The following CACNA2D1 variants were observed in gnomAD, a reference collection of about 807,000 sequenced individuals.
CACNA2D1 encodes the protein calcium voltage-gated channel auxiliary subunit alpha2delta 1.
CACNA2D1 carries 53 observed loss-of-function variants against 171.5 expected under a neutral mutation model. The ratio of observed to expected loss-of-function variants is 0.31; its 90% CI spans 0.25 to 0.39. The LOEUF (loss-of-function observed/expected upper bound fraction) is 0.39. Ranked by LOEUF, CACNA2D1 falls within the 10% of genes least tolerant of loss-of-function variation. CACNA2D1 has a pLI of 1.00. For synonymous variants in CACNA2D1, 442 were observed against 443.1 expected (o/e 1.00, Z 0.03); for missense variants, 903 against 1,299.8 (o/e 0.69, Z 4.69).
chr7:82,207,287 T>C (rs911619892), intron 3 of CACNA2D1, among the ~76,000 whole-genome samples: 1 of 152,202 alleles, frequency 6.6e-6, no homozygotes, highest in Non-Finnish European at 1.5e-5. Context: ...GGTCCTACCA[T>C]AGTAGCTCTG....
intron 38 of CACNA2D1, among the ~76,000 whole-genome samples, chr7:81,956,898 T>A (rs939600040): frequency 6.6e-6 from 1 of 152,242 alleles, no homozygotes; most frequent in Admixed American, 6.5e-5. Context: ...TTTAGTAGTA[T>A]TGAATAGAGA....
intron 3 of CACNA2D1, among the ~76,000 whole-genome samples, chr7:82,326,510 A>T (rs772810190): frequency 6.6e-6 from 1 of 152,208 alleles, no homozygotes; most frequent in Non-Finnish European, 1.5e-5. Context: ...GCAGAACAGA[A>T]ATAGTGTTAG....
intron 24 of CACNA2D1, among the ~76,000 whole-genome samples, chr7:81,978,757 A>G (rs199816128): frequency 0.17 from 14,761 of 87,768 alleles, 822 homozygotes; most frequent in Middle Eastern, 0.28. Flanking sequence ...AAAAGTGTAT[A>G]TATATATATA....
chr7:82,335,964 C>G (rs1465176195), intron 2 of CACNA2D1, among the ~76,000 whole-genome samples: 1 of 152,016 alleles, frequency 6.6e-6, no homozygotes, highest in Non-Finnish European at 1.5e-5. Context: ...ATAAGTTGCA[C>G]CTGTCTTACA....
In CACNA2D1 at chr7:81,963,663, T is replaced by C. The variant is rs1794399386; in HGVS notation, c.2780+393A>G. 2.0e-5 allele frequency among the ~76,000 whole-genome samples: 3 copies of C among 151,982 alleles called. No homozygotes were observed. In the South Asian group the frequency reaches 6.2e-4, roughly 31 times the overall value. ...AGAAGGTTGCCATCATGCCATGAAT[T>C]TGATGCATGTAGACATCCAACTGGG... On this transcript the variant is annotated intron_variant, in intron 34 of 38. Coordinates refer to ENST00000356860, the MANE Select transcript of CACNA2D1 (RefSeq NM_000722.4).
Position 82,432,709 on chromosome 7 carries a change from CT to C in CACNA2D1, c.95+10655del, listed in dbSNP as rs1014283821. ...CAAGGATCTGTTTCGACCAAAACTT[CT>C]CCCTTCTACTGGGGGCAGGAAGCAC... is the stretch of plus-strand genomic sequence containing the variant. On this transcript the variant is annotated intron_variant, in intron 1 of 38. Transcript: ENST00000356860. Among the ~76,000 whole-genome samples, 13 of 152,188 alleles carry C rather than the reference CT, an allele frequency of 8.5e-5. No individual in the cohort carries two copies. The South Asian group carries it at 1.2e-3, about 15-fold the overall frequency.
rs1441653239 is a variant in CACNA2D1 at position 82,099,641 on chromosome 7, G to A, written c.527-14741C>T. Among the ~76,000 whole-genome samples the A allele has an allele frequency of 4.6e-4, 36 of 79,064 alleles. 7 individuals carry two copies. The Admixed American group carries it at 4.7e-3, about 10-fold the overall frequency. 51.9% of individuals were successfully genotyped at this position (79,064 alleles called of 152,430 possible). On this transcript the variant is annotated intron_variant, in intron 6 of 38. Transcript: ENST00000356860. Reference sequence around the variant, plus strand: ...ATTTTTTGTATTTTTAGTAGAGACAGGGTTTCACCGTGTTAGCCGGGATGG... The same window carrying A: ...ATTTTTTGTATTTTTAGTAGAGACAAGGTTTCACCGTGTTAGCCGGGATGG...
chr7:82,390,034 T>G (rs575225328), intron 1 of CACNA2D1, among the ~76,000 whole-genome samples: 6 of 152,260 alleles, frequency 3.9e-5, no homozygotes, highest in African/African-American at 1.4e-4. Context: ...CTTCAGGGAA[T>G]AGGACAGAAG....
intron 3 of CACNA2D1, among the ~76,000 whole-genome samples, chr7:82,314,120 G>T (rs182045535): frequency 6.6e-6 from 1 of 152,076 alleles, no homozygotes; most frequent in Non-Finnish European, 1.5e-5. Flanking sequence ...ATAATGTTTG[G>T]GTTTCTTTTA....
At chr7:82,192,399 A>AATATATATATATATAT (rs57832901) in intron 3 of CACNA2D1, among the ~76,000 whole-genome samples, 2 of 146,620 alleles carry the variant, frequency 1.4e-5, no homozygotes, top group East Asian at 4.0e-4. Context: ...AAACAGGGGA[A>AATATATATATATATAT]ATATATATAT....
At chr7:82,273,708 T>C (rs1808937537) in intron 3 of CACNA2D1, among the ~76,000 whole-genome samples, 1 of 152,164 alleles carries the variant, frequency 6.6e-6, no homozygotes, top group South Asian at 2.1e-4. Flanking sequence ...AATATATTAA[T>C]TGCAAATGAA....
intron 3 of CACNA2D1, among the ~76,000 whole-genome samples, chr7:82,180,535 G>A (rs1797009582): frequency 6.6e-6 from 1 of 152,090 alleles, no homozygotes; most frequent in Non-Finnish European, 1.5e-5. Flanking sequence ...TACATTTCTT[G>A]ACACCCATGT....
chr7:82,022,944 G>GT (rs1801420760), intron 12 of CACNA2D1, among the ~76,000 whole-genome samples: 1 of 151,874 alleles, frequency 6.6e-6, no homozygotes, highest in South Asian at 2.1e-4. Context: ...TAATTTGAAT[G>GT]TTTTTTCATT....
At chr7:82,157,826 A>G (rs1293170371) in intron 4 of CACNA2D1, among the ~76,000 whole-genome samples, 1 of 152,062 alleles carries the variant, frequency 6.6e-6, no homozygotes, top group East Asian at 1.9e-4. Flanking sequence ...CAGAACATAA[A>G]TACCTCAGAT....
chr7:82,439,780 A>C (rs557945221), intron 1 of CACNA2D1, among the ~76,000 whole-genome samples: 26 of 151,798 alleles, frequency 1.7e-4, no homozygotes, highest in Non-Finnish European at 3.0e-4. Flanking sequence ...TAAATGTTAT[A>C]TGGTTAAGCC....
At chr7:82,398,447 T>C (rs1825974664) in intron 1 of CACNA2D1, among the ~76,000 whole-genome samples, 1 of 152,204 alleles carries the variant, frequency 6.6e-6, no homozygotes, top group Admixed American at 6.5e-5. Context: ...TGTATGTGTA[T>C]ACTCACACTA....
chr7:82,313,691 T>C (rs1279226932), intron 3 of CACNA2D1, among the ~76,000 whole-genome samples: 1 of 152,206 alleles, frequency 6.6e-6, no homozygotes, highest in Non-Finnish European at 1.5e-5. Flanking sequence ...CATGTGTGCA[T>C]GTTAATAAAA....
chr7:82,242,664 C>T (rs1038349656), intron 3 of CACNA2D1, among the ~76,000 whole-genome samples: 5 of 152,028 alleles, frequency 3.3e-5, no homozygotes, highest in Non-Finnish European at 7.4e-5. Flanking sequence ...TTCAGAAAAT[C>T]GAATAACACA....
At chr7:82,137,058 T>G (rs2129079224) in intron 4 of CACNA2D1, among the ~76,000 whole-genome samples, 1 of 152,344 alleles carries the variant, frequency 6.6e-6, no homozygotes, top group South Asian at 2.1e-4. Flanking sequence ...AAGCCATGAT[T>G]TTTATATACA....
Sources: gnomAD v4.1 joint callset for allele counts (sites outside exome capture counted in the v4.1 genomes callset) on GRCh38, gnomAD v4.1.1 for gene constraint, MANE v1.5 for transcripts, NCBI Gene and HGNC (gene_info 2026-07-23, HGNC 2026-07-21) for gene names.